Variants in GRM7 observed in about 807,000 individuals in gnomAD.
GRM7 encodes glutamate metabotropic receptor 7.
In GRM7, 35 loss-of-function variants were observed where a neutral mutation model predicts 84.5. The ratio of observed to expected loss-of-function variants is 0.41; its 90% CI spans 0.32 to 0.55. The LOEUF (loss-of-function observed/expected upper bound fraction) is 0.55, where lower values mean the gene tolerates loss of function less well. GRM7 is among the 20% of genes least tolerant of loss of function. The pLI, the probability that GRM7 is intolerant of heterozygous loss-of-function variation, is 0.19. For missense variants in GRM7, 1,003 were observed against 1,194.6 expected (o/e 0.84, Z 2.36); for synonymous variants, 487 against 455.1 (o/e 1.07, Z -0.89).
At position 7,592,195 on chromosome 3, in the gene GRM7, A is replaced by G. The variant is rs369084318; in HGVS notation, c.2451+12838A>G. 1.5e-3 allele frequency among the ~76,000 whole-genome samples: 225 copies of G among 152,304 alleles called. 1 individual carries two copies. Among genetic ancestry groups the G allele is most frequent in the African/African-American group, 4.9e-3 (204 of 41,576 alleles). On this transcript the variant is annotated intron_variant, in intron 8 of 9. Coordinates refer to ENST00000357716, the MANE Select transcript of GRM7 (RefSeq NM_000844.4). ...TAAATTCCTGAGTCTGCATTCTAGT[A>G]GCCAGAGACAGACTTTAAATGAATA...
At chr3:7,402,286 C>T (rs1366403209) in intron 4 of GRM7, among the ~76,000 whole-genome samples, 1 of 152,156 alleles carries the variant, frequency 6.6e-6, no homozygotes, top group Non-Finnish European at 1.5e-5. Flanking sequence ...GTAACCATTA[C>T]AAACCTATAA....
At chr3:7,259,460 T>C (rs1256069397) in intron 2 of GRM7, among the ~76,000 whole-genome samples, 1 of 152,048 alleles carries the variant, frequency 6.6e-6, no homozygotes, top group Non-Finnish European at 1.5e-5. Context: ...TGGAGGTAGG[T>C]CCCAGTGTCT....
intron 2 of GRM7, among the ~76,000 whole-genome samples, chr3:7,261,116 C>T (rs1698405551): frequency 6.6e-6 from 1 of 152,164 alleles, no homozygotes; most frequent in Non-Finnish European, 1.5e-5. Context: ...CATCTGCTTT[C>T]ATTTCCCAGC....
intron 7 of GRM7, among the ~76,000 whole-genome samples, chr3:7,518,809 C>T (rs1174685422): frequency 3.3e-5 from 5 of 152,226 alleles, no homozygotes; most frequent in Admixed American, 1.3e-4. Context: ...TTAATGAAAT[C>T]AGTCCTCAAT....
chr3:7,647,210 C>A (rs1698689517), intron 8 of GRM7, among the ~76,000 whole-genome samples: 1 of 152,304 alleles, frequency 6.6e-6, no homozygotes, highest in South Asian at 2.1e-4. Context: ...TGCTTCCGAG[C>A]CAAAGAATTA....
At chr3:7,557,627 C>T (rs1339223287) in intron 7 of GRM7, among the ~76,000 whole-genome samples, 1 of 152,072 alleles carries the variant, frequency 6.6e-6, no homozygotes, top group African/African-American at 2.4e-5. Flanking sequence ...GATGTAGTGA[C>T]TGGCTTAAGA....
intron 2 of GRM7, among the ~76,000 whole-genome samples, chr3:7,261,782 A>G (rs1280836378): frequency 6.6e-6 from 1 of 152,182 alleles, no homozygotes; most frequent in Non-Finnish European, 1.5e-5. Flanking sequence ...CAAGGCAAGT[A>G]TGATGATAAC....
intron 1 of GRM7, among the ~76,000 whole-genome samples, chr3:6,957,327 G>T (rs929715831): frequency 5.3e-5 from 8 of 152,166 alleles, no homozygotes; most frequent in Admixed American, 5.2e-4. Context: ...TGAGGGCAGG[G>T]ATCTCAGAGC....
intron 2 of GRM7, among the ~76,000 whole-genome samples, chr3:7,160,200 G>A (rs1225456594): frequency 6.6e-6 from 1 of 152,090 alleles, no homozygotes; most frequent in African/African-American, 2.4e-5. Context: ...GAGAAGGACA[G>A]CTCTTGAACC....
intron 2 of GRM7, among the ~76,000 whole-genome samples, chr3:7,164,159 G>A (rs1694724182): frequency 6.6e-6 from 1 of 152,160 alleles, no homozygotes; most frequent in African/African-American, 2.4e-5. Context: ...AGGAGTTCAA[G>A]ACCAGCCTGG....
chr3:7,408,038 C>T (rs1396674883), intron 4 of GRM7, among the ~76,000 whole-genome samples: 2 of 152,112 alleles, frequency 1.3e-5, no homozygotes, highest in African/African-American at 2.4e-5. Flanking sequence ...ATATTATCAT[C>T]GTCCCCATTT....
chr3:7,295,648 C>G (rs77187896), intron 2 of GRM7, among the ~76,000 whole-genome samples: 15,411 of 152,100 alleles, frequency 0.1, 1,054 homozygotes, highest in Non-Finnish European at 0.16. Context: ...AGCACACAGA[C>G]CTTGTACATA....
chr3:7,662,117 G>A (rs1223384729), intron 8 of GRM7, among the ~76,000 whole-genome samples: 6 of 152,112 alleles, frequency 3.9e-5, no homozygotes, highest in African/African-American at 1.2e-4. Context: ...TTGAATGTCA[G>A]AATAATTATG....
intron 7 of GRM7, among the ~76,000 whole-genome samples, chr3:7,542,762 G>C (rs1045436728): frequency 3.9e-5 from 6 of 151,960 alleles, no homozygotes; most frequent in African/African-American, 1.5e-4. Flanking sequence ...TGGCCAGGAT[G>C]GTCTTGATCT....
intron 1 of GRM7, among the ~76,000 whole-genome samples, chr3:6,938,146 G>A: frequency 6.6e-6 from 1 of 152,246 alleles, no homozygotes; most frequent in Middle Eastern, 3.4e-3. Context: ...AGAAACAATG[G>A]ATTATGGATT....
At chr3:7,592,133 T>C (rs1372436042) in intron 8 of GRM7, among the ~76,000 whole-genome samples, 6 of 152,094 alleles carry the variant, frequency 3.9e-5, no homozygotes, top group Non-Finnish European at 4.4e-5. Flanking sequence ...CTAGCCACTG[T>C]TGTGTATGCA....
chr3:7,125,289 G>A (rs9821952), intron 1 of GRM7, among the ~76,000 whole-genome samples: 32,399 of 152,010 alleles, frequency 0.21, 3,652 homozygotes, highest in Middle Eastern at 0.31. Context: ...TCACTCAATA[G>A]ACTGAGGCAG....
At chr3:7,563,321 C>G (rs558729676) in intron 7 of GRM7, among the ~76,000 whole-genome samples, 1 of 152,200 alleles carries the variant, frequency 6.6e-6, no homozygotes, top group South Asian at 2.1e-4. Flanking sequence ...TTTTTTTCCT[C>G]TAAGGATTTA....
At chr3:7,299,877 C>G (rs1699937591) in intron 3 of GRM7, among the ~76,000 whole-genome samples, 1 of 151,966 alleles carries the variant, frequency 6.6e-6, no homozygotes, top group Admixed American at 6.6e-5. Flanking sequence ...AATTAACTTC[C>G]TTTTGCACAA....
Sources: gnomAD v4.1 joint callset for allele counts (sites outside exome capture counted in the v4.1 genomes callset) on GRCh38, gnomAD v4.1.1 for gene constraint, MANE v1.5 for transcripts, NCBI Gene and HGNC (gene_info 2026-07-23, HGNC 2026-07-21) for gene names.